LSP1: variants seen among roughly 807,000 people sequenced by gnomAD.
LSP1 encodes the protein lymphocyte specific protein 1, also known as lymphocyte-specific protein 1.
In LSP1, 32 loss-of-function variants were observed where a neutral mutation model predicts 49.3. That is an observed-to-expected ratio of 0.65 (90% CI 0.49 to 0.87). The LOEUF is 0.87. Among genes scored for constraint, LSP1 ranks in the 40% least tolerant of loss-of-function variants. The probability of loss-of-function intolerance (pLI) is 0.00; values close to 1 mark genes in which losing one functional copy is unlikely to be tolerated. For missense variants in LSP1, 428 were observed against 442.6 expected, an observed-to-expected ratio of 0.97 and a Z score of 0.30; for synonymous variants, 179 against 178.8, an observed-to-expected ratio of 1.00 and a Z score of -0.01.
chr11:1,859,441 G>C (rs948202530), intron 1 of LSP1: 3 of 153,792 alleles, frequency 2.0e-5, no homozygotes, highest in African/African-American at 7.2e-5. Context: ...CATCTCAAAA[G>C]TGCCTGTGCT....
At chr11:1,882,642 G>A (rs567689195) in intron 3 of LSP1, among the ~76,000 whole-genome samples, 36 of 152,140 alleles carry the variant, frequency 2.4e-4, no homozygotes, top group Admixed American at 2.2e-3. Context: ...TGACTCTTCC[G>A]TGGAGCCCAG....
At chr11:1,889,762 G>A (rs538665779) in intron 10 of LSP1, 13 of 650,006 alleles carry the variant, frequency 2.0e-5, no homozygotes, top group African/African-American at 1.5e-4. Context: ...TCCAGCGAGC[G>A]GCAGGTCGGG....
chr11:1,856,289 C>A (rs2001488), intron 1 of LSP1, among the ~76,000 whole-genome samples: 9 of 152,106 alleles, frequency 5.9e-5, no homozygotes, highest in African/African-American at 2.2e-4. Flanking sequence ...AAACTCCATG[C>A]CCCTGGGTGG....
chr11:1,873,810 C>CCCGGCAGAGGAGGGAGG (rs1848149866), intron 1 of LSP1, among the ~76,000 whole-genome samples: 1 of 135,468 alleles, frequency 7.4e-6, no homozygotes. Context: ...GAGCAGGGAG[C>CCCGGCAGAGGAGGGAGG]CCAGCAGAGG....
intron 1 of LSP1, among the ~76,000 whole-genome samples, chr11:1,873,598 AG>A (rs1449787237): frequency 6.8e-6 from 1 of 147,160 alleles, no homozygotes; most frequent in Non-Finnish European, 1.5e-5. Context: ...GGGAGGATGG[AG>A]AAGGGAGGAA....
chr11:1,858,412 G>A (rs531343368), intron 1 of LSP1, among the ~76,000 whole-genome samples: 2 of 152,374 alleles, frequency 1.3e-5, no homozygotes, highest in East Asian at 1.9e-4. Context: ...CCGAAAAGCG[G>A]AACTGGGACC....
chr11:1,854,778 C>T (rs967749729), intron 1 of LSP1, among the ~76,000 whole-genome samples: 3 of 152,172 alleles, frequency 2.0e-5, no homozygotes, highest in African/African-American at 7.2e-5. Flanking sequence ...TCAGCACCAC[C>T]CCCAGCCCTG....
Position 1,880,037 on chromosome 11 carries a change from C to T in LSP1, c.54-50C>T, listed in dbSNP as rs1436014445. ...GTAGATGGGAGGAATGGGTGCAAAA[C>T]AGCACCTGTGTCGGCTGTGGCGTGA... On this transcript the variant is annotated intron_variant, in intron 1 of 10. Coordinates refer to ENST00000311604, the MANE Select transcript of LSP1 (RefSeq NM_002339.3). The T allele has an allele frequency of 3.1e-6, 5 of 1,596,582 alleles. No individual in the cohort carries two copies. In the South Asian group the frequency reaches 3.4e-5, roughly 11 times the overall value.
chr11:1,862,743 C>T (rs1237341649), intron 1 of LSP1, among the ~76,000 whole-genome samples: 1 of 151,816 alleles, frequency 6.6e-6, no homozygotes, highest in Non-Finnish European at 1.5e-5. Context: ...CCTGGGTGAC[C>T]TTACCTCCCC....
chr11:1,881,540 C>T lies in LSP1; in HGVS notation c.300C>T (p.Ala100=). 1 of 1,548,930 alleles carries T rather than the reference C, an allele frequency of 6.5e-7. No homozygotes were observed. Among genetic ancestry groups the T allele is most frequent in the Non-Finnish European group, 8.7e-7 (1 of 1,146,000 alleles). The change falls in exon 3 of 11, where the codon GCC becomes GCT. Residue 100 remains alanine (A), a synonymous_variant. Coordinates refer to ENST00000311604, the MANE Select transcript of LSP1 (RefSeq NM_002339.3). Reference sequence around the variant, plus strand: ...AGCAGCACGAGGGGGCGCAGGGCGCCTTGGACAGCGGAGAGCCCCCCCAGT... The same window carrying T: ...AGCAGCACGAGGGGGCGCAGGGCGCTTTGGACAGCGGAGAGCCCCCCCAGT... ...QRQQHEGAQG[A]LDSGEPPQCR...
Position 1,884,867 on chromosome 11 carries a change from A to G in LSP1, c.717+286A>G, listed in dbSNP as rs1565087991. 6.6e-6 allele frequency among the ~76,000 whole-genome samples: 1 copy of G among 151,730 alleles called. No individual in the cohort carries two copies. Among genetic ancestry groups the G allele is most frequent in the African/African-American group, 2.4e-5 (1 of 41,238 alleles). On this transcript the variant is annotated intron_variant, in intron 7 of 10. Coordinates refer to ENST00000311604, the MANE Select transcript of LSP1 (RefSeq NM_002339.3). The surrounding 1 kb of genome is among the most constrained non-coding windows in gnomAD (Gnocchi z 4.1). ...CTGCATCCAATTAATGTTCCTTTAT[A>G]CAACCAATACTCCTGCAACCAATAC...
chr11:1,869,555 G>A (rs1282450907), intron 1 of LSP1: 5 of 447,446 alleles, frequency 1.1e-5, no homozygotes, highest in African/African-American at 4.0e-5. Flanking sequence ...GCCCCTTGCC[G>A]CCGACCCCAG....
chr11:1,869,119 G>T (rs907998667), intron 1 of LSP1: 30 of 641,266 alleles, frequency 4.7e-5, no homozygotes, highest in Non-Finnish European at 5.9e-5. Context: ...AGGGTGAGGG[G>T]CTTGGCCCCT....
rs753728223 is a variant in LSP1, at chr11:1,883,386, C to T, written c.357-33C>T. The T allele has an allele frequency of 3.6e-5, 58 of 1,612,834 alleles. 2 individuals are homozygous for T. The South Asian group carries it at 5.7e-4, about 16-fold the overall frequency. On this transcript the variant is annotated intron_variant, in intron 3 of 10. Transcript: ENST00000311604. The stretch of plus-strand genomic sequence containing the variant: ...GGGTCAACCAAGCAATCCAATGGCC[C>T]TAGAACGGCTTTGCCTCCCTTTCCA...
At chr11:1,888,012 C>A (rs1011801151) in intron 10 of LSP1, among the ~76,000 whole-genome samples, 1 of 152,194 alleles carries the variant, frequency 6.6e-6, no homozygotes, top group Non-Finnish European at 1.5e-5. Context: ...CCTGTCCCAG[C>A]CGAGAGCGAT....
chr11:1,860,437 A>T (rs1196326731), intron 1 of LSP1, among the ~76,000 whole-genome samples: 5 of 152,132 alleles, frequency 3.3e-5, no homozygotes, highest in Non-Finnish European at 5.9e-5. Context: ...ATAGAGTATA[A>T]CTCATGCATA....
intron 1 of LSP1, chr11:1,866,662 A>T: frequency 6.5e-7 from 1 of 1,549,634 alleles, no homozygotes; most frequent in East Asian, 2.4e-5. Context: ...CTCCCTGCCC[A>T]ACGGGAATGT....
At chr11:1,855,681 G>T (rs907129940) in intron 1 of LSP1, among the ~76,000 whole-genome samples, 15 of 152,230 alleles carry the variant, frequency 9.9e-5, no homozygotes, top group African/African-American at 3.1e-4. Context: ...CTGGACTGCG[G>T]TTCCTCCACT....
At chr11:1,881,306 T>G in intron 2 of LSP1, 126 bp from the exon 3 acceptor site, 1 of 928,724 alleles carries the variant, frequency 1.1e-6, no homozygotes. Context: ...CAGAGCCAGC[T>G]CTGTGGCAGA....
Sources: gnomAD v4.1 joint callset for allele counts (sites outside exome capture counted in the v4.1 genomes callset) on GRCh38, gnomAD v4.1.1 for gene constraint, Gnocchi (gnomAD v3.1) non-coding constraint, MANE v1.5 for transcripts, NCBI Gene and HGNC (gene_info 2026-07-23, HGNC 2026-07-21) for gene names.